Variants in DNTTIP2 observed in about 807,000 individuals in gnomAD.
The protein encoded by DNTTIP2 is deoxynucleotidyltransferase terminal-interacting protein 2.
Under a neutral mutation model 62.4 loss-of-function variants are expected in DNTTIP2, and 47 were observed. The observed-to-expected ratio is 0.75, with a 90% confidence interval of 0.60 to 0.96. The LOEUF (loss-of-function observed/expected upper bound fraction) is 0.96. DNTTIP2 is among the 40% of genes least tolerant of loss of function. DNTTIP2 has a pLI of 0.00. For missense variants in DNTTIP2, 870 were observed against 849.1 expected (o/e 1.02, Z -0.31); for synonymous variants, 322 against 300.9 (o/e 1.07, Z -0.73).
At chr1:93,872,431 G>A (rs1655890698) in intron 4 of DNTTIP2, among the ~76,000 whole-genome samples, 195 bp from the exon 5 acceptor site, 1 of 152,130 alleles carries the variant, frequency 6.6e-6, no homozygotes, top group South Asian at 2.1e-4. Flanking sequence ...CTAAATTAGG[G>A]ACAGGATTAT....
chr1:93,871,777 T>C (rs1190860499), intron 5 of DNTTIP2, among the ~76,000 whole-genome samples: 3 of 152,186 alleles, frequency 2.0e-5, no homozygotes, highest in Non-Finnish European at 4.4e-5. Flanking sequence ...CCGTATGGAC[T>C]CTTGCTGTTA....
intron 4 of DNTTIP2, 116 bp downstream of exon 4, chr1:93,873,003 T>G (rs1490182699): frequency 3.2e-6 from 2 of 633,862 alleles, no homozygotes; most frequent in Non-Finnish European, 5.3e-6. Flanking sequence ...TGTAATTATT[T>G]TCTTTGGACT....
intron 4 of DNTTIP2, among the ~76,000 whole-genome samples, chr1:93,872,735 C>A (rs1052814402): frequency 2.0e-5 from 3 of 152,150 alleles, no homozygotes; most frequent in African/African-American, 7.2e-5. Context: ...AATTTTGTTT[C>A]ATTCATACAA....
At chr1:93,878,554 G>A (rs4141737) in intron 1 of DNTTIP2, 45,373 of 154,098 alleles carry the variant, frequency 0.29, 7,667 homozygotes, top group East Asian at 0.56. Flanking sequence ...TTACCTTTAC[G>A]TACAGGAAAA....
chr1:93,872,065 T>C lies in DNTTIP2; in HGVS notation c.2067+7A>G. 6.2e-7 allele frequency: 1 copy of C among 1,613,666 alleles called. No individual in the cohort carries two copies. On this transcript the variant is annotated splice_region_variant and intron_variant, in intron 5 of 6. Transcript: ENST00000436063. ...AGATCATCACCACTATTCTGTTTGCTTCATACCTGGAAGTACTTGGGGAAG... is the reference window on the plus strand; with the variant it reads ...AGATCATCACCACTATTCTGTTTGCCTCATACCTGGAAGTACTTGGGGAAG...
intron 3 of DNTTIP2, among the ~76,000 whole-genome samples, chr1:93,874,699 G>C (rs1655954157): frequency 6.6e-6 from 1 of 152,120 alleles, no homozygotes; most frequent in Non-Finnish European, 1.5e-5. Context: ...TAGCTATGTT[G>C]CCCAGGTTGG....
rs1429590965 is a variant in DNTTIP2 at position 93,877,185 on chromosome 1, T to A, written c.750A>T (p.Arg250Ser). The A allele has an allele frequency of 6.2e-7, 1 of 1,613,776 alleles. No homozygotes were observed. Among genetic ancestry groups the A allele is most frequent in the African/African-American group, 1.3e-5 (1 of 75,070 alleles). The change falls in exon 2 of 7, where the codon AGA (arginine) becomes AGT (serine). Residue 250 changes from arginine to serine, a missense_variant. Physicochemically the swap from Arg to Ser is moderately radical, Grantham distance 110 (BLOSUM62 -1). Coordinates refer to ENST00000436063, the MANE Select transcript of DNTTIP2 (RefSeq NM_014597.5). ...TTGGCTTATTTATCTCAGAAAGAGATCTTGCTTGTAAATGGGAAGTTTGTC... is the reference window on the plus strand; with the variant it reads ...TTGGCTTATTTATCTCAGAAAGAGAACTTGCTTGTAAATGGGAAGTTTGTC... The part of the protein sequence containing the change: ...DTRQTSHLQA[R>S]SLSEINKPNF...
chr1:93,878,947 C>T, intron 1 of DNTTIP2, 130 bp downstream of exon 1: 2 of 1,259,616 alleles, frequency 1.6e-6, no homozygotes, highest in Admixed American at 2.6e-5. Flanking sequence ...CCTGGGAGAC[C>T]CAAGCGCGCG....
chr1:93,879,019 G>A (rs952123732), intron 1 of DNTTIP2, 58 bp downstream of exon 1: 47 of 1,599,816 alleles, frequency 2.9e-5, no homozygotes, highest in Non-Finnish European at 3.9e-5. Context: ...GCGCCGCCCC[G>A]CCTGCCTGAG....
Position 93,876,796 on chromosome 1 carries a change from T to C in DNTTIP2, c.1139A>G (p.Lys380Arg), listed in dbSNP as rs372708897. The C allele has an allele frequency of 6.2e-6, 10 of 1,613,834 alleles. No homozygotes were observed. In the African/African-American group the frequency reaches 1.2e-4, roughly 19 times the overall value. ...VEVGRWNNNK[K>R]SPIKASDLTK... ...CAAGTCACTTGCTTTTATGGGGCTC[T>C]TTTTGTTGTTATTCCATCTGCCTAC... The change falls in exon 2 of 7, where the codon AAG becomes AGG. Residue 380 changes from lysine (K) to arginine (R), a missense_variant. Physicochemically the swap from Lys to Arg is conservative, Grantham distance 26. Transcript: ENST00000436063.
In DNTTIP2 at chr1:93,875,550, G is replaced by A. The variant is rs184813048; in HGVS notation, c.1806+95C>T. 5.3e-4 allele frequency: 691 copies of A among 1,308,958 alleles called. 1 individual carries two copies. In the African/African-American group the frequency reaches 9.7e-3, roughly 18 times the overall value. The allele number at this position is 1,308,958 out of a possible 1,614,324, so 81.1% of individuals were successfully genotyped here. On this transcript the variant is annotated intron_variant, in intron 3 of 6. Coordinates refer to ENST00000436063, the MANE Select transcript of DNTTIP2 (RefSeq NM_014597.5). Reference sequence around the variant, plus strand: ...AAAAACTAACACATTAGGCCAATGTGGTTTCACTGTAGGAAAATTAAGTCT... The same window carrying A: ...AAAAACTAACACATTAGGCCAATGTAGTTTCACTGTAGGAAAATTAAGTCT...
chr1:93,879,044 G>C (rs745536644), intron 1 of DNTTIP2, 33 bp downstream of exon 1: 1 of 1,611,400 alleles, frequency 6.2e-7, no homozygotes, highest in South Asian at 1.1e-5. Context: ...GCTCTGCGAA[G>C]CGGCGAGAAG....
chr1:93,875,251 T>C (rs868641977), intron 3 of DNTTIP2, among the ~76,000 whole-genome samples: 1 of 152,328 alleles, frequency 6.6e-6, no homozygotes, highest in Middle Eastern at 3.4e-3. Context: ...CTTCTGAAAT[T>C]ATATGTAAAA....
At chr1:93,872,322 A>G in intron 4 of DNTTIP2, 86 bp from the exon 5 acceptor site, 1 of 1,321,082 alleles carries the variant, frequency 7.6e-7, no homozygotes, top group Non-Finnish European at 1.0e-6. Context: ...ACATACAGAA[A>G]ATTTTGTAAA....
chr1:93,866,389 C>G lies in DNTTIP2; in HGVS notation c.*3462G>C, dbSNP rs1655725076. 1 of 152,152 alleles carries G rather than the reference C, an allele frequency of 6.6e-6. No homozygotes were observed. The highest frequency in any genetic ancestry group is 2.4e-5 in the African/African-American group (1 of 41,422). The allele number at this position is 152,152 out of a possible 1,614,324, so 9.4% of individuals were successfully genotyped here. A position where few individuals can be genotyped will look rare whatever the true frequency, so the allele number is the denominator to read the frequency against. On this transcript the variant is annotated 3_prime_UTR_variant, in exon 7 of 7. Coordinates refer to ENST00000436063, the MANE Select transcript of DNTTIP2 (RefSeq NM_014597.5). ...GAAAACTTTCAATAAAGATATTCAT[C>G]TAATTAAATAGTAAGTACAAATTCC...
intron 6 of DNTTIP2, 135 bp from the exon 7 acceptor site, chr1:93,870,079 T>C: frequency 1.8e-6 from 1 of 568,706 alleles, no homozygotes. Flanking sequence ...TTGCTTGCAA[T>C]CTAGGGAGAA....
Position 93,870,042 on chromosome 1 carries a change from C to G in DNTTIP2, c.2178-98G>C, listed in dbSNP as rs1471781300. ...GTTGGGAATGGAGTGGTGGACAAGA[C>G]AAGTATAGTCTCTGACCTCATAGCA... On this transcript the variant is annotated intron_variant, in intron 6 of 6. Coordinates refer to ENST00000436063, the MANE Select transcript of DNTTIP2 (RefSeq NM_014597.5). 7 of 655,656 alleles carry G rather than the reference C, an allele frequency of 1.1e-5. No individual in the cohort carries two copies. The African/African-American group carries it at 1.3e-4, about 12-fold the overall frequency. The allele number at this position is 655,656 out of a possible 1,614,324, so 40.6% of individuals were successfully genotyped here.
intron 1 of DNTTIP2, among the ~76,000 whole-genome samples, chr1:93,878,178 C>A (rs1656065638): frequency 6.6e-6 from 1 of 152,012 alleles, no homozygotes; most frequent in Admixed American, 6.6e-5. Flanking sequence ...TTGGTGCGCA[C>A]CTGTAATCCC....
intron 4 of DNTTIP2, 37 bp downstream of exon 4, chr1:93,873,082 A>C: frequency 7.0e-7 from 1 of 1,435,512 alleles, no homozygotes; most frequent in South Asian, 1.2e-5. Context: ...ATATAGCCAA[A>C]CATATCTAAG....
Sources: gnomAD v4.1 joint callset for allele counts (sites outside exome capture counted in the v4.1 genomes callset) on GRCh38, gnomAD v4.1.1 for gene constraint, MANE v1.5 for transcripts, NCBI Gene and HGNC (gene_info 2026-07-23, HGNC 2026-07-21) for gene names.